Variants in GIGYF2 observed in about 807,000 individuals in gnomAD.
The protein encoded by GIGYF2 is GRB10-interacting GYF protein 2.
In GIGYF2, 25 loss-of-function variants were observed where a neutral mutation model predicts 208.1. That is an observed-to-expected ratio of 0.12 (90% CI 0.09 to 0.17). The LOEUF (loss-of-function observed/expected upper bound fraction) is 0.17. Ranked by LOEUF, GIGYF2 falls within the 10% of genes least tolerant of loss-of-function variation. The probability of loss-of-function intolerance (pLI) is 1.00; values close to 1 mark genes in which losing one functional copy is unlikely to be tolerated. For missense variants in GIGYF2, 1,302 were observed against 1,579.4 expected, an observed-to-expected ratio of 0.82 and a Z score of 2.98; for synonymous variants, 534 against 543.8, an observed-to-expected ratio of 0.98 and a Z score of 0.25.
At position 232,748,944 on chromosome 2, in the gene GIGYF2, C is replaced by G. The variant is rs371026355; in HGVS notation, c.172-43C>G. 25 of 865,462 alleles carry G rather than the reference C, an allele frequency of 2.9e-5. No homozygotes were observed. The African/African-American group carries it at 3.8e-4, about 13-fold the overall frequency. The allele number at this position is 865,462 out of a possible 1,614,324, so 53.6% of individuals were successfully genotyped here. On this transcript the variant is annotated intron_variant, in intron 4 of 28. Coordinates refer to ENST00000373563, the MANE Select transcript of GIGYF2 (RefSeq NM_001103146.3). Reference sequence around the variant, plus strand: ...TATCTTCTTGTATTTCTTCTTATTGCAGAAATAGCATTAATCTCATAATCA... The same window carrying G: ...TATCTTCTTGTATTTCTTCTTATTGGAGAAATAGCATTAATCTCATAATCA...
chr2:232,750,768 T>A (rs1248840981), intron 5 of GIGYF2, among the ~76,000 whole-genome samples: 1 of 151,828 alleles, frequency 6.6e-6, no homozygotes, highest in Admixed American at 6.6e-5. Context: ...TGTATGTTTG[T>A]GTGTGTGTGT....
At chr2:232,811,502 A>G (rs1700733875) in intron 17 of GIGYF2, 151 bp downstream of exon 17, 1 of 653,000 alleles carries the variant, frequency 1.5e-6, no homozygotes, top group South Asian at 1.7e-5. Flanking sequence ...TATATTTTAA[A>G]AAAATATTTC....
chr2:232,700,879 G>C (rs550330126), intron 1 of GIGYF2, among the ~76,000 whole-genome samples: 1 of 152,114 alleles, frequency 6.6e-6, no homozygotes, highest in Non-Finnish European at 1.5e-5. Flanking sequence ...AAAAGTCCTA[G>C]AGTTTCCATT....
At chr2:232,785,065 G>A (rs1419368712) in intron 8 of GIGYF2, among the ~76,000 whole-genome samples, 5 of 151,070 alleles carry the variant, frequency 3.3e-5, no homozygotes, top group South Asian at 4.2e-4. Flanking sequence ...GCAGAACCAC[G>A]AGCCAAATAA....
chr2:232,817,981 A>G (rs1391834199), intron 20 of GIGYF2, among the ~76,000 whole-genome samples: 1 of 152,152 alleles, frequency 6.6e-6, no homozygotes, highest in African/African-American at 2.4e-5. Flanking sequence ...TTATATTCCT[A>G]CTGACAAGGC....
At chr2:232,758,622 A>G (rs1698631491) in intron 6 of GIGYF2, among the ~76,000 whole-genome samples, 1 of 152,290 alleles carries the variant, frequency 6.6e-6, no homozygotes, top group South Asian at 2.1e-4. Flanking sequence ...GTCCCACCCT[A>G]AAGTTTTAGT....
chr2:232,750,651 T>A (rs898636111), intron 5 of GIGYF2, among the ~76,000 whole-genome samples: 2 of 152,184 alleles, frequency 1.3e-5, no homozygotes, highest in African/African-American at 4.8e-5. Flanking sequence ...ATATTTCTGT[T>A]AATTTTTTTC....
In GIGYF2 at chr2:232,798,636, T is replaced by C. The variant is rs140031558; in HGVS notation, c.1639+2415T>C. On this transcript the variant is annotated intron_variant, in intron 14 of 28. Transcript: ENST00000373563. Reference sequence around the variant, plus strand: ...GGTGTGTAGTGATACCTCACTGGGGTTTTAAATTTACATTACATTTCCCTA... The same window carrying C: ...GGTGTGTAGTGATACCTCACTGGGGCTTTAAATTTACATTACATTTCCCTA... Among the ~76,000 whole-genome samples, 1,327 of 152,272 alleles carry C rather than the reference T, an allele frequency of 8.7e-3. 34 individuals are homozygous for C. The highest frequency in any genetic ancestry group is 0.054 in the Admixed American group (829 of 15,292).
chr2:232,737,758 A>G (rs1253427211), intron 3 of GIGYF2, among the ~76,000 whole-genome samples: 1 of 152,034 alleles, frequency 6.6e-6, no homozygotes, highest in Admixed American at 6.5e-5. Context: ...GTGTTTATTA[A>G]GGTCATCATT....
At chr2:232,831,029 A>G (rs1182797964) in intron 21 of GIGYF2, among the ~76,000 whole-genome samples, 2 of 152,190 alleles carry the variant, frequency 1.3e-5, no homozygotes, top group Admixed American at 6.5e-5. Flanking sequence ...AGACTGGACT[A>G]TGGGTATTTG....
Position 232,735,159 on chromosome 2 carries a change from C to A in GIGYF2, c.-39C>A. On this transcript the variant is annotated 5_prime_UTR_variant, in exon 3 of 29. Coordinates refer to ENST00000373563, the MANE Select transcript of GIGYF2 (RefSeq NM_001103146.3). ...AGATATTTTTCTCGTTAACAGGTTT[C>A]TTCACATATAAAAATCTATTGTAAA... is the stretch of plus-strand genomic sequence containing the variant. 7.0e-7 allele frequency: 1 copy of A among 1,429,554 alleles called. No homozygotes were observed. The highest frequency in any genetic ancestry group is 9.9e-7 in the Non-Finnish European group (1 of 1,012,922). The allele number at this position is 1,429,554 out of a possible 1,614,324, so 88.6% of individuals were successfully genotyped here.
intron 17 of GIGYF2, 41 bp downstream of exon 17, chr2:232,811,392 G>A: frequency 8.7e-7 from 1 of 1,147,488 alleles, no homozygotes; most frequent in East Asian, 2.3e-5. Context: ...GGGTGCATGT[G>A]TTGTGAAAGA....
intron 2 of GIGYF2, among the ~76,000 whole-genome samples, chr2:232,727,911 C>G (rs551185185): frequency 6.6e-6 from 1 of 152,282 alleles, no homozygotes; most frequent in East Asian, 1.9e-4. Flanking sequence ...TCCCCAAATT[C>G]GTTTTTCTGT....
intron 23 of GIGYF2, among the ~76,000 whole-genome samples, chr2:232,842,506 C>A (rs1348768209): frequency 1.3e-5 from 2 of 152,188 alleles, no homozygotes; most frequent in East Asian, 3.8e-4. Flanking sequence ...AAAAAGCCAA[C>A]TCCTATTTTG....
chr2:232,746,732 T>C (rs1698165050), intron 3 of GIGYF2, among the ~76,000 whole-genome samples: 1 of 152,210 alleles, frequency 6.6e-6, no homozygotes, highest in Admixed American at 6.5e-5. Flanking sequence ...AATTTCTCTT[T>C]GTACTTTACT....
At position 232,837,457 on chromosome 2, in the gene GIGYF2, CTTTA is replaced by C. The variant is rs367926926; in HGVS notation, c.2767-2384_2767-2381del. ...ATGCCCTTAGGAGTATTTCCAGAGA[CTTTA>C]TTTATTTTTTTGAGACAGGGTCTGG... On this transcript the variant is annotated intron_variant, in intron 22 of 28. Coordinates refer to ENST00000373563, the MANE Select transcript of GIGYF2 (RefSeq NM_001103146.3). 2.0e-4 allele frequency among the ~76,000 whole-genome samples: 31 copies of C among 152,030 alleles called. No individual in the cohort carries two copies. In the East Asian group the frequency reaches 5.6e-3, roughly 27 times the overall value.
intron 2 of GIGYF2, among the ~76,000 whole-genome samples, chr2:232,713,680 G>A (rs1229791448): frequency 6.6e-6 from 1 of 152,042 alleles, no homozygotes; most frequent in Admixed American, 6.6e-5. Context: ...AGTTTCTCTT[G>A]TCTTTCCTTG....
intron 21 of GIGYF2, among the ~76,000 whole-genome samples, chr2:232,832,170 C>T (rs1424408071): frequency 6.6e-6 from 1 of 152,092 alleles, no homozygotes; most frequent in East Asian, 1.9e-4. Flanking sequence ...ATCTGACCTA[C>T]GTTTTAAAGA....
chr2:232,812,526 AGG>A, intron 18 of GIGYF2, 35 bp downstream of exon 18: 1 of 797,352 alleles, frequency 1.3e-6, no homozygotes, highest in Non-Finnish European at 2.3e-6. Flanking sequence ...TACCACTCTG[AGG>A]ATTCAGAGTC....
Sources: gnomAD v4.1 joint callset for allele counts (sites outside exome capture counted in the v4.1 genomes callset) on GRCh38, gnomAD v4.1.1 for gene constraint, MANE v1.5 for transcripts, NCBI Gene and HGNC (gene_info 2026-07-23, HGNC 2026-07-21) for gene names.